The following PPA2 variants were observed in gnomAD, a reference collection of about 807,000 sequenced individuals.
PPA2 encodes inorganic pyrophosphatase 2, mitochondrial.
PPA2 carries 48 observed loss-of-function variants against 49.5 expected under a neutral mutation model. The ratio of observed to expected loss-of-function variants is 0.97; its 90% CI spans 0.77 to 1.23. The LOEUF (loss-of-function observed/expected upper bound fraction) is 1.23, where lower values mean the gene tolerates loss of function less well. Ranked by LOEUF, PPA2 falls within the 50% of genes most tolerant of loss-of-function variation. The pLI is 0.00. For synonymous variants in PPA2, 131 were observed against 139.9 expected (o/e 0.94, Z 0.45); for missense variants, 429 against 410.1 (o/e 1.05, Z -0.40).
intron 5 of PPA2, 146 bp from the exon 6 acceptor site, chr4:105,438,182 C>T (rs1484685689): frequency 1.7e-6 from 1 of 595,210 alleles, no homozygotes; most frequent in African/African-American, 1.9e-5. Flanking sequence ...GGCCAACAGG[C>T]CAGTATGTCC....
Position 105,399,171 on chromosome 4 carries a change from A to T in PPA2, c.656-7T>A, listed in dbSNP as rs1734261197. On this transcript the variant is annotated splice_polypyrimidine_tract_variant and splice_region_variant and intron_variant, in intron 7 of 11. Transcript: ENST00000341695. Reference sequence around the variant, plus strand: ...TTCTTAACATCATCAATATCTGTAAAGAAAAAAACAAAAAGATGTTTTGTT... The same window carrying T: ...TTCTTAACATCATCAATATCTGTAATGAAAAAAACAAAAAGATGTTTTGTT... 2 of 1,583,676 alleles carry T rather than the reference A, an allele frequency of 1.3e-6. No homozygotes were observed.
chr4:105,441,680 A>G (rs112430281), intron 5 of PPA2, among the ~76,000 whole-genome samples: 13 of 152,294 alleles, frequency 8.5e-5, no homozygotes, highest in African/African-American at 2.9e-4. Flanking sequence ...CAAGAAAGCT[A>G]CAAACAACCT....
intron 6 of PPA2, 72 bp downstream of exon 6, chr4:105,437,878 G>A: frequency 2.6e-6 from 3 of 1,170,698 alleles, no homozygotes; most frequent in African/African-American, 1.6e-5. Context: ...AAGAACTAGA[G>A]GCTAAAATGA....
intron 2 of PPA2, among the ~76,000 whole-genome samples, chr4:105,454,516 G>C (rs570118674): frequency 1.3e-5 from 2 of 152,086 alleles, no homozygotes; most frequent in East Asian, 3.9e-4. Context: ...TGTATTTTTA[G>C]TAGAGACAGG....
chr4:105,456,107 T>C (rs1474480201), intron 2 of PPA2: 1 of 381,912 alleles, frequency 2.6e-6, no homozygotes, highest in African/African-American at 2.1e-5. Context: ...TGTCAAGTGA[T>C]TTTCAGTTCT....
chr4:105,431,596 T>C (rs1723802073), intron 6 of PPA2, among the ~76,000 whole-genome samples: 1 of 151,844 alleles, frequency 6.6e-6, no homozygotes. Flanking sequence ...GTGAAAAAAA[T>C]GGATAAGAGT....
intron 4 of PPA2, among the ~76,000 whole-genome samples, chr4:105,447,152 C>T (rs557704517): frequency 2.3e-4 from 35 of 152,010 alleles, no homozygotes; most frequent in Admixed American, 1.7e-3. Flanking sequence ...TGTCCATCAA[C>T]AGATTAATGG....
At chr4:105,441,982 C>T (rs1724389199) in intron 5 of PPA2, among the ~76,000 whole-genome samples, 1 of 150,472 alleles carries the variant, frequency 6.6e-6, no homozygotes, top group Non-Finnish European at 1.5e-5. Context: ...CGAAGGAAGA[C>T]CTTTGACTTT....
rs1732994224 is a variant in PPA2 at position 105,370,847 on chromosome 4, ACTTT to A, written c.962_965del (p.Glu321ValfsTer15). 1.4e-6 allele frequency: 2 copies of A among 1,469,752 alleles called. No homozygotes were observed. Among genetic ancestry groups the A allele is most frequent in the South Asian group, 1.3e-5 (1 of 77,628 alleles). The allele number at this position is 1,469,752 out of a possible 1,614,324, so 91.0% of individuals were successfully genotyped here. A position where few individuals can be genotyped will look rare whatever the true frequency, so the allele number is the denominator to read the frequency against. ...CAAAATATACTATACCTTCTTCATT[ACTTT>A]CTTTATTTGGTGAAGATGATACCTG... On this transcript the variant is annotated frameshift_variant, in exon 11 of 12. Transcript: ENST00000341695. LOFTEE classifies it high-confidence loss of function.
intron 10 of PPA2, among the ~76,000 whole-genome samples, chr4:105,376,812 C>T (rs1201662862): frequency 6.6e-6 from 1 of 152,180 alleles, no homozygotes; most frequent in Non-Finnish European, 1.5e-5. Context: ...CTGAATATGG[C>T]TCTCTCCTCA....
chr4:105,427,236 T>A (rs1723557108), intron 6 of PPA2, among the ~76,000 whole-genome samples: 1 of 152,048 alleles, frequency 6.6e-6, no homozygotes. Flanking sequence ...AACCACAAAA[T>A]GGGGAGAAAC....
intron 5 of PPA2, among the ~76,000 whole-genome samples, chr4:105,440,957 T>C (rs931835462): frequency 1.3e-5 from 2 of 152,246 alleles, no homozygotes; most frequent in Non-Finnish European, 2.9e-5. Flanking sequence ...TTCCAACCTT[T>C]AATACTCTGC....
At chr4:105,382,847 A>G (rs530716861) in intron 10 of PPA2, among the ~76,000 whole-genome samples, 9 of 152,094 alleles carry the variant, frequency 5.9e-5, no homozygotes, top group Non-Finnish European at 1.2e-4. Flanking sequence ...AAAAACTAGA[A>G]AAACTTCGCC....
At chr4:105,400,619 C>G (rs1430125523) in intron 7 of PPA2, among the ~76,000 whole-genome samples, 1 of 152,134 alleles carries the variant, frequency 6.6e-6, no homozygotes, top group African/African-American at 2.4e-5. Context: ...GGCAACAAAG[C>G]AATAAATAAT....
intron 7 of PPA2, among the ~76,000 whole-genome samples, chr4:105,412,018 A>G (rs1019433720): frequency 6.6e-6 from 1 of 152,320 alleles, no homozygotes; most frequent in East Asian, 1.9e-4. Flanking sequence ...ATACTGCCCA[A>G]GGTAATTTAT....
Position 105,424,312 on chromosome 4 carries a change from CA to C in PPA2, c.538del (p.Cys180ValfsTer7). On this transcript the variant is annotated frameshift_variant, in exon 7 of 12. Transcript: ENST00000341695. LOFTEE classifies it high-confidence loss of function. ...GATCTTCACATGAATAACTTCTCCA[CA>C]AGAAAGAATCTTTAAAGAAAAAAGA... ...VCEIGSKILS[C>X]GEVIHVKILG... The C allele has an allele frequency of 6.3e-7, 1 of 1,591,198 alleles. No homozygotes were observed. The highest frequency in any genetic ancestry group is 8.5e-7 in the Non-Finnish European group (1 of 1,174,446).
At chr4:105,416,163 C>T (rs1040742816) in intron 7 of PPA2, among the ~76,000 whole-genome samples, 3 of 152,166 alleles carry the variant, frequency 2.0e-5, no homozygotes, top group Non-Finnish European at 2.9e-5. Context: ...ACATTCCATC[C>T]GCTTTCACAA....
chr4:105,394,572 G>A lies in PPA2; in HGVS notation c.869+1677C>T, dbSNP rs71599054. 9.3e-3 allele frequency among the ~76,000 whole-genome samples: 1,411 copies of A among 152,134 alleles called. 14 individuals are homozygous for A. Among genetic ancestry groups the A allele is most frequent in the Middle Eastern group, 0.021 (6 of 292 alleles). Reference sequence around the variant, plus strand: ...ATAACATATATAAATCACTCAGAACGTGGAACATAGTATAGAGTTAATAAA... The same window carrying A: ...ATAACATATATAAATCACTCAGAACATGGAACATAGTATAGAGTTAATAAA... On this transcript the variant is annotated intron_variant, in intron 9 of 11. Transcript: ENST00000341695.
At chr4:105,379,138 T>TA (rs35924340) in intron 10 of PPA2, among the ~76,000 whole-genome samples, 16,419 of 152,070 alleles carry the variant, frequency 0.11, 1,395 homozygotes, top group East Asian at 0.43. Flanking sequence ...GGCATGAACA[T>TA]TATGTATCTC....
Sources: allele counts gnomAD v4.1 joint callset (sites outside exome capture counted in the v4.1 genomes callset), GRCh38; gene constraint gnomAD v4.1.1; transcripts MANE v1.5; gene names NCBI Gene and HGNC (gene_info 2026-07-23, HGNC 2026-07-21).